NFATC3: variants seen among roughly 807,000 people sequenced by gnomAD.
NFATC3 encodes nuclear factor of activated T-cells, cytoplasmic 3.
A neutral mutation model predicts 98.6 loss-of-function variants in NFATC3; 46 were observed. The observed-to-expected ratio is 0.47, with a 90% CI of 0.37 to 0.60. The LOEUF (loss-of-function observed/expected upper bound fraction) is 0.60, where lower values mean the gene tolerates loss of function less well. Ranked by LOEUF, NFATC3 falls within the 20% of genes least tolerant of loss-of-function variation. NFATC3 has a pLI of 0.00. For synonymous variants in NFATC3, 512 were observed against 472.2 expected, an observed-to-expected ratio of 1.08 and a Z score of -1.09; for missense variants, 1,256 against 1,295.5, an observed-to-expected ratio of 0.97 and a Z score of 0.47.
chr16:68,126,041 T>G (rs1215303925), intron 2 of NFATC3, among the ~76,000 whole-genome samples: 1 of 151,916 alleles, frequency 6.6e-6, no homozygotes, highest in Non-Finnish European at 1.5e-5. Context: ...TACAGGTGAG[T>G]GCCACCATGC....
intron 9 of NFATC3, among the ~76,000 whole-genome samples, chr16:68,194,100 C>G (rs143352909): frequency 3.8e-4 from 58 of 152,240 alleles, no homozygotes; most frequent in Non-Finnish European, 7.5e-4. Context: ...TCCTCAAACT[C>G]TGAGGTAGAT....
intron 1 of NFATC3, among the ~76,000 whole-genome samples, chr16:68,121,382 A>G (rs1441309712): frequency 2.7e-5 from 4 of 149,016 alleles, no homozygotes; most frequent in Admixed American, 6.7e-5. Flanking sequence ...TTTTTTTAAT[A>G]AACACATTTA....
chr16:68,203,273 G>A (rs530621209), intron 9 of NFATC3, among the ~76,000 whole-genome samples: 135 of 152,238 alleles, frequency 8.9e-4, no homozygotes, highest in African/African-American at 3.2e-3. Flanking sequence ...ACATAAATAA[G>A]TTGTACCTTT....
At chr16:68,137,298 G>A (rs1169295077) in intron 3 of NFATC3, among the ~76,000 whole-genome samples, 4 of 151,220 alleles carry the variant, frequency 2.6e-5, no homozygotes, top group Non-Finnish European at 1.5e-5. Context: ...AAACTTTTTT[G>A]TTTAAAATGC....
chr16:68,135,939 T>TA (rs2037383071), intron 3 of NFATC3, among the ~76,000 whole-genome samples: 1 of 151,856 alleles, frequency 6.6e-6, no homozygotes, highest in African/African-American at 2.4e-5. Context: ...GGTGCATGCC[T>TA]GTAATCCCAG....
At chr16:68,163,316 G>C (rs1034101646) in intron 4 of NFATC3, among the ~76,000 whole-genome samples, 1 of 151,748 alleles carries the variant, frequency 6.6e-6, no homozygotes, top group Non-Finnish European at 1.5e-5. Flanking sequence ...AGGGGCGGCC[G>C]GGCAGAGGCG....
At chr16:68,220,280 T>C (rs1016064699) in intron 9 of NFATC3, among the ~76,000 whole-genome samples, 8 of 152,114 alleles carry the variant, frequency 5.3e-5, no homozygotes, top group Non-Finnish European at 1.0e-4. Flanking sequence ...TCCCAGCATT[T>C]TGAGAGGCCG....
chr16:68,189,613 A>G (rs1322731512), intron 8 of NFATC3, among the ~76,000 whole-genome samples: 1 of 152,146 alleles, frequency 6.6e-6, no homozygotes, highest in East Asian at 1.9e-4. Context: ...TCGTCTTAGC[A>G]ATATTAAGTC....
chr16:68,211,972 C>T (rs2041423750), intron 9 of NFATC3, among the ~76,000 whole-genome samples: 1 of 152,204 alleles, frequency 6.6e-6, no homozygotes, highest in Admixed American at 6.5e-5. Context: ...CCACTGAATT[C>T]ATCCACTCAC....
At chr16:68,184,480 C>T (rs2040088606) in intron 8 of NFATC3, among the ~76,000 whole-genome samples, 1 of 152,046 alleles carries the variant, frequency 6.6e-6, no homozygotes, top group African/African-American at 2.4e-5. Context: ...GGTGATTTCA[C>T]AGTTGGACAA....
At chr16:68,135,732 A>AT (rs2037368706) in intron 3 of NFATC3, among the ~76,000 whole-genome samples, 1 of 152,038 alleles carries the variant, frequency 6.6e-6, no homozygotes, top group Admixed American at 6.6e-5. Context: ...TTTAATATAG[A>AT]TTATCTGTAT....
At chr16:68,135,860 C>T (rs1316050171) in intron 3 of NFATC3, among the ~76,000 whole-genome samples, 2 of 151,968 alleles carry the variant, frequency 1.3e-5, no homozygotes, top group African/African-American at 4.8e-5. Flanking sequence ...GTCAGGAGTT[C>T]GAGACCAGCC....
At chr16:68,174,275 C>CT (rs1201209354) in intron 5 of NFATC3, 99 bp from the exon 6 acceptor site, 3 of 1,032,454 alleles carry the variant, frequency 2.9e-6, no homozygotes, top group East Asian at 5.7e-5. Flanking sequence ...ATTTGCTTCT[C>CT]TTTATTTTCT....
At chr16:68,180,395 G>T (rs2039904716) in intron 6 of NFATC3, among the ~76,000 whole-genome samples, 1 of 152,144 alleles carries the variant, frequency 6.6e-6, no homozygotes, top group African/African-American at 2.4e-5. Flanking sequence ...GATGGAATGA[G>T]TTACCTGGTG....
intron 6 of NFATC3, 21 bp downstream of exon 6, chr16:68,174,535 T>C (rs1416591671): frequency 6.5e-7 from 1 of 1,538,806 alleles, no homozygotes. Flanking sequence ...TATGAGTTGA[T>C]TGACTTCAAA....
chr16:68,103,583 G>T (rs78479045), intron 1 of NFATC3, among the ~76,000 whole-genome samples: 2,944 of 152,260 alleles, frequency 0.019, 33 homozygotes, highest in Non-Finnish European at 0.03. Flanking sequence ...GAGTTCTTTT[G>T]TTGCTTGTGC....
intron 8 of NFATC3, among the ~76,000 whole-genome samples, chr16:68,188,993 C>T (rs1261599584): frequency 6.6e-6 from 1 of 152,170 alleles, no homozygotes; most frequent in African/African-American, 2.4e-5. Flanking sequence ...CAGGTGTGAG[C>T]CACTGCGCCC....
In NFATC3 at chr16:68,122,634, G is replaced by T; in HGVS notation, c.751G>T (p.Asp251Tyr). 1 of 1,614,124 alleles carries T rather than the reference G, an allele frequency of 6.2e-7. No homozygotes were observed. The highest frequency in any genetic ancestry group is 1.1e-5 in the South Asian group (1 of 91,080). The change falls in exon 2 of 10, where the codon GAT becomes TAT. Residue 251 changes from aspartate (D) to tyrosine (Y), a missense_variant. This residue lies in a region of NFATC3 where 464 missense variants were observed against 465.7 expected (regional missense o/e 1.00). Transcript: ENST00000346183. ...PCHSPRSSVT[D>Y]ENWLSPRPAS... Reference sequence around the variant, plus strand: ...CCACTCTCCTAGATCCAGTGTCACTGATGAGAATTGGCTGAGCCCCAGGCC... The same window carrying T: ...CCACTCTCCTAGATCCAGTGTCACTTATGAGAATTGGCTGAGCCCCAGGCC...
intron 9 of NFATC3, among the ~76,000 whole-genome samples, chr16:68,196,245 G>A (rs2040664311): frequency 6.6e-6 from 1 of 151,836 alleles, no homozygotes; most frequent in South Asian, 2.1e-4. Flanking sequence ...TCAGCCCCCC[G>A]AGTAGCTGGG....
Sources: gnomAD v4.1 joint callset for allele counts (sites outside exome capture counted in the v4.1 genomes callset) on GRCh38, gnomAD v4.1.1 for gene constraint, gnomAD v4.1.1 regional missense constraint, MANE v1.5 for transcripts, NCBI Gene and HGNC (gene_info 2026-07-23, HGNC 2026-07-21) for gene names.